TNIK: variants seen among roughly 807,000 people sequenced by gnomAD.
The protein encoded by TNIK is TRAF2 and NCK-interacting protein kinase.
A neutral mutation model predicts 191.3 loss-of-function variants in TNIK; 49 were observed. That is an observed-to-expected ratio of 0.26 (90% confidence interval 0.20 to 0.32). TNIK has a LOEUF of 0.32. TNIK is among the 10% of genes least tolerant of loss of function. The pLI is 1.00. For synonymous variants in TNIK, 594 were observed against 600.9 expected (o/e 0.99, Z 0.17); for missense variants, 1,155 against 1,702.3 (o/e 0.68, Z 5.66).
intron 1 of TNIK, among the ~76,000 whole-genome samples, chr3:171,397,186 C>A (rs1249081589): frequency 6.6e-6 from 1 of 152,154 alleles, no homozygotes; most frequent in Non-Finnish European, 1.5e-5. Context: ...GTCTCTAAAG[C>A]CTTTGATACA....
intron 2 of TNIK, among the ~76,000 whole-genome samples, chr3:171,266,701 G>T (rs1382208131): frequency 6.6e-6 from 1 of 152,078 alleles, no homozygotes; most frequent in African/African-American, 2.4e-5. Context: ...TATACAAAAG[G>T]AACCAAGCAG....
intron 11 of TNIK, 43 bp from the exon 12 acceptor site, chr3:171,157,707 G>T (rs756049620): frequency 5.8e-6 from 9 of 1,544,480 alleles, no homozygotes; most frequent in Non-Finnish European, 7.9e-6. Context: ...GTGGGGCAGG[G>T]GCCATGGCTA....
chr3:171,129,447 C>A (rs1728946838), intron 15 of TNIK, among the ~76,000 whole-genome samples: 1 of 152,202 alleles, frequency 6.6e-6, no homozygotes, highest in Non-Finnish European at 1.5e-5. Context: ...TCCTGTATCA[C>A]TTTCTTTTTC....
intron 1 of TNIK, among the ~76,000 whole-genome samples, chr3:171,432,544 A>G (rs1205680514): frequency 2.0e-5 from 3 of 152,198 alleles, no homozygotes; most frequent in East Asian, 1.9e-4. Flanking sequence ...CAGACGGAAA[A>G]TCAGGTTAAC....
At chr3:171,140,604 A>C in intron 12 of TNIK, 95 bp from the exon 13 acceptor site, 2 of 1,145,108 alleles carry the variant, frequency 1.7e-6, no homozygotes, top group Non-Finnish European at 2.6e-6. Context: ...CCAGACATGA[A>C]CTTTTAATGA....
chr3:171,249,791 C>T (rs993065838), intron 2 of TNIK, among the ~76,000 whole-genome samples: 2 of 152,084 alleles, frequency 1.3e-5, no homozygotes, highest in African/African-American at 2.4e-5. Context: ...TAGCGTCTTT[C>T]CCTGTCAGTT....
chr3:171,418,780 A>T (rs968096724), intron 1 of TNIK, among the ~76,000 whole-genome samples: 1 of 152,196 alleles, frequency 6.6e-6, no homozygotes, highest in Non-Finnish European at 1.5e-5. Context: ...ATTCAGCCAT[A>T]AAAAATAATA....
chr3:171,128,652 T>C, intron 16 of TNIK, 62 bp downstream of exon 16: 1 of 1,531,842 alleles, frequency 6.5e-7, no homozygotes, highest in South Asian at 1.3e-5. Context: ...CCCTAGGCTT[T>C]TAATAATAGG....
intron 2 of TNIK, among the ~76,000 whole-genome samples, chr3:171,361,755 G>A (rs957113075): frequency 6.6e-6 from 1 of 152,132 alleles, no homozygotes; most frequent in Non-Finnish European, 1.5e-5. Flanking sequence ...TGTAATAAAT[G>A]ACAATAGCAG....
intron 2 of TNIK, among the ~76,000 whole-genome samples, chr3:171,278,238 A>T (rs1459220400): frequency 6.6e-6 from 1 of 152,216 alleles, no homozygotes; most frequent in African/African-American, 2.4e-5. Flanking sequence ...AAAGTCTGTC[A>T]TGAGACTAGA....
At chr3:171,290,275 T>A (rs535329694) in intron 2 of TNIK, among the ~76,000 whole-genome samples, 1 of 152,170 alleles carries the variant, frequency 6.6e-6, no homozygotes, top group Admixed American at 6.5e-5. Flanking sequence ...TTGGTAAACA[T>A]CTAACAGGAA....
chr3:171,361,757 C>T (rs1715007190), intron 2 of TNIK, among the ~76,000 whole-genome samples: 1 of 152,136 alleles, frequency 6.6e-6, no homozygotes, highest in Non-Finnish European at 1.5e-5. Context: ...TAATAAATGA[C>T]AATAGCAGTA....
At chr3:171,224,490 C>T (rs756799639) in intron 3 of TNIK, among the ~76,000 whole-genome samples, 2 of 151,654 alleles carry the variant, frequency 1.3e-5, no homozygotes, top group Admixed American at 6.6e-5. Flanking sequence ...CCACAAAAAA[C>T]CATAGCTCCT....
At chr3:171,263,580 T>G (rs1747953939) in intron 2 of TNIK, among the ~76,000 whole-genome samples, 1 of 152,174 alleles carries the variant, frequency 6.6e-6, no homozygotes, top group South Asian at 2.1e-4. Flanking sequence ...GTAGGCAATG[T>G]CTATATGCAA....
intron 1 of TNIK, among the ~76,000 whole-genome samples, chr3:171,424,963 C>T (rs1031264382): frequency 7.7e-6 from 1 of 129,070 alleles, no homozygotes; most frequent in Non-Finnish European, 1.6e-5. Flanking sequence ...TGCACATGTA[C>T]CCTAAAACTT....
At chr3:171,107,079 C>G (rs1725018622) in intron 21 of TNIK, 104 bp downstream of exon 21, 1 of 1,225,578 alleles carries the variant, frequency 8.2e-7, no homozygotes, top group South Asian at 1.5e-5. Context: ...AAATCTCCTC[C>G]CAGCTGATTG....
chr3:171,392,951 C>A (rs1719759440), intron 1 of TNIK, among the ~76,000 whole-genome samples: 1 of 152,048 alleles, frequency 6.6e-6, no homozygotes, highest in African/African-American at 2.4e-5. Context: ...AGCACTTCCA[C>A]AAGCTTTCTG....
chr3:171,240,300 G>A (rs908573669), intron 2 of TNIK, among the ~76,000 whole-genome samples: 1 of 152,148 alleles, frequency 6.6e-6, no homozygotes, highest in Non-Finnish European at 1.5e-5. Flanking sequence ...CTAGAGCTCT[G>A]CAGGCCCTAT....
chr3:171,347,357 C>T (rs1321531186), intron 2 of TNIK: 2 of 799,062 alleles, frequency 2.5e-6, no homozygotes, highest in Non-Finnish European at 1.9e-6. Context: ...GTCCTAAGTG[C>T]CTGCAGAGCT....
Sources: gnomAD v4.1 joint callset for allele counts (sites outside exome capture counted in the v4.1 genomes callset) on GRCh38, gnomAD v4.1.1 for gene constraint, MANE v1.5 for transcripts, NCBI Gene and HGNC (gene_info 2026-07-23, HGNC 2026-07-21) for gene names.